PCBP3: variants seen among roughly 807,000 people sequenced by gnomAD.
The protein encoded by PCBP3 is poly(rC)-binding protein 3.
A neutral mutation model predicts 52.7 loss-of-function variants in PCBP3; 25 were observed. The observed-to-expected ratio is 0.47, with a 90% CI of 0.35 to 0.66. PCBP3 has a LOEUF of 0.66. Among genes scored for constraint, PCBP3 ranks in the 30% least tolerant of loss-of-function variants. The pLI is 0.01. For synonymous variants in PCBP3, 162 were observed against 183.0 expected (o/e 0.89, Z 0.93); for missense variants, 391 against 490.3 (o/e 0.80, Z 1.91).
intron 4 of PCBP3, among the ~76,000 whole-genome samples, chr21:45,772,721 A>T (rs1054050191): frequency 4.2e-4 from 64 of 152,184 alleles, no homozygotes; most frequent in African/African-American, 1.4e-3. Flanking sequence ...ATCCTCACCA[A>T]CACCTGTTAT....
chr21:45,765,547 T>G (rs1364178757), intron 4 of PCBP3, among the ~76,000 whole-genome samples: 1 of 152,120 alleles, frequency 6.6e-6, no homozygotes, highest in Non-Finnish European at 1.5e-5. Context: ...GCGCTGCCCC[T>G]CCCCGTGGGG....
At chr21:45,877,364 A>G (rs2095287615) in intron 5 of PCBP3, among the ~76,000 whole-genome samples, 1 of 152,226 alleles carries the variant, frequency 6.6e-6, no homozygotes, top group Admixed American at 6.5e-5. Context: ...CCGCTGTTTC[A>G]TTACACATCA....
chr21:45,868,752 C>T (rs926774687), intron 5 of PCBP3, among the ~76,000 whole-genome samples: 2 of 152,186 alleles, frequency 1.3e-5, no homozygotes, highest in Admixed American at 6.5e-5. Flanking sequence ...GGGAAGAACC[C>T]GGGAGGCAGG....
At chr21:45,923,281 C>T (rs550905751) in intron 13 of PCBP3, among the ~76,000 whole-genome samples, 5 of 152,180 alleles carry the variant, frequency 3.3e-5, no homozygotes, top group African/African-American at 1.2e-4. Flanking sequence ...GGGCACATGC[C>T]GAGGGGCCCA....
chr21:45,895,845 G>A (rs1017977035), intron 5 of PCBP3, among the ~76,000 whole-genome samples: 1 of 152,254 alleles, frequency 6.6e-6, no homozygotes, highest in East Asian at 1.9e-4. Flanking sequence ...GCCCCAGGGC[G>A]CTGGGCCTGT....
intron 5 of PCBP3, among the ~76,000 whole-genome samples, chr21:45,857,941 G>A (rs981602844): frequency 1.3e-5 from 2 of 152,048 alleles, no homozygotes; most frequent in African/African-American, 2.4e-5. Flanking sequence ...GGAGAGGCTC[G>A]CAGAGGGCAG....
At chr21:45,801,338 C>T (rs1467204302) in intron 4 of PCBP3, among the ~76,000 whole-genome samples, 1 of 152,240 alleles carries the variant, frequency 6.6e-6, no homozygotes, top group African/African-American at 2.4e-5. Context: ...TGTCTACCCA[C>T]CTCCTACAAG....
rs1192202698 is a variant in PCBP3, at chr21:45,784,974, AG to A, written c.-126+29524del. The stretch of plus-strand genomic sequence containing the variant: ...GCCTGGCTGCCCAGTCTGGAAAGTG[AG>A]GAGCGTCTCTGCCCGGCCGCCATCC... On this transcript the variant is annotated intron_variant, in intron 4 of 17. Transcript: ENST00000681687. Among the ~76,000 whole-genome samples the A allele has an allele frequency of 1.1e-4, 16 of 150,814 alleles. No homozygotes were observed. The East Asian group carries it at 3.0e-3, about 28-fold the overall frequency.
chr21:45,920,408 C>T (rs2074276115), intron 13 of PCBP3, among the ~76,000 whole-genome samples: 1 of 152,232 alleles, frequency 6.6e-6, no homozygotes, highest in East Asian at 1.9e-4. Flanking sequence ...ATGTGACTTT[C>T]TCAGTATCTC....
In PCBP3 at chr21:45,802,977, A is replaced by G. The variant is rs1603434238; in HGVS notation, c.-125-46984A>G. 6.6e-6 allele frequency among the ~76,000 whole-genome samples: 1 copy of G among 152,246 alleles called. No homozygotes were observed. Among genetic ancestry groups the G allele is most frequent in the East Asian group, 1.9e-4 (1 of 5,202 alleles). ...TTAATGATTTTTCTTGTTTTCAATAAAAAATAACATTTCCCGTCTGCATTG... is the reference window on the plus strand; with the variant it reads ...TTAATGATTTTTCTTGTTTTCAATAGAAAATAACATTTCCCGTCTGCATTG... On this transcript the variant is annotated intron_variant, in intron 4 of 17. Coordinates refer to ENST00000681687, the MANE Select transcript of PCBP3 (RefSeq NM_001384156.1). This position sits in a 1 kb window ranked among gnomAD's most constrained non-coding sequence, Gnocchi z 5.1.
intron 13 of PCBP3, among the ~76,000 whole-genome samples, chr21:45,927,441 A>G (rs1389012688): frequency 1.1e-5 from 1 of 93,362 alleles, no homozygotes; most frequent in Non-Finnish European, 2.3e-5. Flanking sequence ...TTTTTTCAAC[A>G]GGGCAGAATT....
chr21:45,844,548 G>A (rs2148063504), intron 4 of PCBP3, among the ~76,000 whole-genome samples: 1 of 152,294 alleles, frequency 6.6e-6, no homozygotes, highest in East Asian at 1.9e-4. Context: ...ATGGTAGGCA[G>A]GCTGGTCTCC....
At chr21:45,826,224 C>T (rs796302608) in intron 4 of PCBP3, among the ~76,000 whole-genome samples, 4 of 151,368 alleles carry the variant, frequency 2.6e-5, no homozygotes, top group African/African-American at 9.7e-5. Flanking sequence ...CGGCATTGCA[C>T]TCCAGCCTGG....
intron 4 of PCBP3, among the ~76,000 whole-genome samples, chr21:45,814,985 G>A (rs867111861): frequency 1.4e-4 from 14 of 101,260 alleles, no homozygotes; most frequent in Non-Finnish European, 4.0e-5. Context: ...TGAGTGAGTG[G>A]TGAGTGAGTG....
intron 15 of PCBP3, among the ~76,000 whole-genome samples, chr21:45,933,623 T>C (rs2076558885): frequency 1.3e-5 from 2 of 152,256 alleles, no homozygotes; most frequent in Non-Finnish European, 1.5e-5. Flanking sequence ...TTTGAAAGTA[T>C]CTTTATTAAA....
chr21:45,811,876 T>C (rs1428094130), intron 4 of PCBP3, among the ~76,000 whole-genome samples: 1 of 152,158 alleles, frequency 6.6e-6, no homozygotes, highest in Admixed American at 6.5e-5. Context: ...TTTGGTTGAG[T>C]TTATTCTTCC....
At chr21:45,779,302 G>A (rs1396270069) in intron 4 of PCBP3, among the ~76,000 whole-genome samples, 2 of 152,182 alleles carry the variant, frequency 1.3e-5, no homozygotes, top group Non-Finnish European at 2.9e-5. Context: ...GGTTGAGGGA[G>A]TCTCCCATGG....
At chr21:45,925,488 T>C (rs1444757342) in intron 13 of PCBP3, among the ~76,000 whole-genome samples, 1 of 152,232 alleles carries the variant, frequency 6.6e-6, no homozygotes, top group East Asian at 1.9e-4. Context: ...AGTAAAATTA[T>C]GAAATTCCAG....
At position 45,675,793 on chromosome 21, in the gene PCBP3, C is replaced by T. The variant is rs2040521907; in HGVS notation, c.-200+6841C>T. The stretch of plus-strand genomic sequence containing the variant: ...CTTTTTCACTGTGTGGACATTTGCA[C>T]TGATGGTGTAAAAGCAATGGCAGGT... On this transcript the variant is annotated intron_variant, in intron 2 of 17. Transcript: ENST00000681687. Among the ~76,000 whole-genome samples, 5 of 152,158 alleles carry T rather than the reference C, an allele frequency of 3.3e-5. No individual in the cohort carries two copies. In the South Asian group the frequency reaches 8.3e-4, roughly 25 times the overall value.
Sources: allele counts gnomAD v4.1 joint callset (sites outside exome capture counted in the v4.1 genomes callset), GRCh38; gene constraint gnomAD v4.1.1; non-coding constraint Gnocchi (gnomAD v3.1); transcripts MANE v1.5; gene names NCBI Gene and HGNC (gene_info 2026-07-23, HGNC 2026-07-21).